Variants in CTBP1 observed in about 807,000 individuals in gnomAD.
CTBP1 encodes C-terminal binding protein 1, also known as C-terminal-binding protein 1.
Under a neutral mutation model 42.1 loss-of-function variants are expected in CTBP1, and 11 were observed. That is an observed-to-expected ratio of 0.26 (90% CI 0.16 to 0.43). CTBP1 has a LOEUF of 0.43. CTBP1 is among the 20% of genes least tolerant of loss of function. The pLI is 1.00. For synonymous variants in CTBP1, 324 were observed against 277.1 expected (o/e 1.17, Z -1.68); for missense variants, 399 against 624.3 (o/e 0.64, Z 3.85).
intron 5 of CTBP1, among the ~76,000 whole-genome samples, chr4:1,223,073 G>C: frequency 1.7e-5 from 1 of 57,486 alleles, no homozygotes; most frequent in South Asian, 1.3e-3. Flanking sequence ...GACAGCGGAG[G>C]CACCGCCCCC....
chr4:1,231,621 G>A (rs549063078), intron 3 of CTBP1, among the ~76,000 whole-genome samples: 6 of 152,334 alleles, frequency 3.9e-5, no homozygotes, highest in South Asian at 4.1e-4. Flanking sequence ...CTCAGGACTC[G>A]ACGTCGCACT....
At position 1,212,253 on chromosome 4, in the gene CTBP1, C is replaced by T. The variant is rs763759376; in HGVS notation, c.1277G>A (p.Ser426Asn). 1.1e-5 allele frequency: 14 copies of T among 1,329,696 alleles called. No individual in the cohort carries two copies. The Admixed American group carries it at 3.3e-4, about 32-fold the overall frequency. The allele number at this position is 1,329,696 out of a possible 1,614,324, so 82.4% of individuals were successfully genotyped here. ...VKPEADRDHA[S>N]DQL ...GCTCCTCCCGGGCTACAACTGGTCA[C>T]TGGCGTGGTCTCTATCCGCCTCGGG... Residue 426 changes from serine to asparagine, a missense_variant, in exon 10 of 10, where the codon AGT becomes AAT. By Grantham distance (46) the Ser-to-Asn change is conservative (BLOSUM62 1). Coordinates refer to ENST00000382952, the MANE Select transcript of CTBP1 (RefSeq NM_001012614.2).
chr4:1,226,039 G>A (rs1730306051), intron 4 of CTBP1, among the ~76,000 whole-genome samples: 1 of 152,098 alleles, frequency 6.6e-6, no homozygotes, highest in African/African-American at 2.4e-5. Flanking sequence ...CCCAGGCCCA[G>A]CCGGGCCCCG....
At chr4:1,242,248 G>A (rs1332979121) in intron 1 of CTBP1, 10 of 985,412 alleles carry the variant, frequency 1.0e-5, no homozygotes, top group Middle Eastern at 5.2e-4. Context: ...GAGTGCACAC[G>A]ATCGCCCAGC....
At chr4:1,250,234 C>T (rs1733190122), upstream of CTBP1, 1 of 198,062 alleles carries the variant, frequency 5.0e-6, no homozygotes, top group Non-Finnish European at 1.1e-5. Context: ...CCCTTCGAGG[C>T]CCGGGAAGAC....
At chr4:1,216,356 G>T in intron 5 of CTBP1, 151 bp from the exon 6 acceptor site, 2 of 750,790 alleles carry the variant, frequency 2.7e-6, no homozygotes, top group Non-Finnish European at 4.3e-6. Flanking sequence ...GCCCACGCAC[G>T]CTCCACACGA....
At chr4:1,248,612 T>TG in intron 1 of CTBP1, 1 of 914,850 alleles carries the variant, frequency 1.1e-6, no homozygotes, top group Non-Finnish European at 1.3e-6. Flanking sequence ...TCGGTGGAGC[T>TG]GGGGGTCCGG....
At chr4:1,214,198 C>T (rs557957046) in intron 7 of CTBP1, 145 bp downstream of exon 7, 22 of 1,092,580 alleles carry the variant, frequency 2.0e-5, no homozygotes, top group South Asian at 1.2e-4. Context: ...CACCCCGCAG[C>T]GGGCGGCAAA....
chr4:1,228,225 ATGT>A lies in CTBP1; in HGVS notation c.278_280del (p.Asn93del). ...TAAATCCCCGGCCGACTTGATGTCG[ATGT>A]TGTCAAAACCACTGCCAATCCGGAC... is the stretch of plus-strand genomic sequence containing the variant. On this transcript the variant is annotated inframe_deletion, in exon 4 of 10. Transcript: ENST00000382952. 6.2e-7 allele frequency: 1 copy of A among 1,614,154 alleles called. No homozygotes were observed. Among genetic ancestry groups the A allele is most frequent in the Non-Finnish European group, 8.5e-7 (1 of 1,180,006 alleles).
intron 1 of CTBP1, chr4:1,242,366 A>G (rs1166291722): frequency 6.1e-6 from 6 of 985,268 alleles, no homozygotes; most frequent in Non-Finnish European, 7.2e-6. Flanking sequence ...TGACCAGGAC[A>G]GGAGCCGGCC....
chr4:1,225,437 T>A lies in CTBP1; in HGVS notation c.437A>T (p.Gln146Leu). 6.5e-7 allele frequency: 1 copy of A among 1,549,250 alleles called. No individual in the cohort carries two copies. Among genetic ancestry groups the A allele is most frequent in the Non-Finnish European group, 8.7e-7 (1 of 1,150,210 alleles). ...HQALREGTRVQSVEQIREVAS... is the reference protein window; with the variant it reads ...HQALREGTRVLSVEQIREVAS... ...CACCTCGCGGATCTGCTCGACGCTCTGGACTCGTGTGCCCTCCCGCAGCGC... is the reference window on the plus strand; with the variant it reads ...CACCTCGCGGATCTGCTCGACGCTCAGGACTCGTGTGCCCTCCCGCAGCGC... Residue 146 changes from glutamine (Q) to leucine (L), a missense_variant, in exon 5 of 10, where the codon CAG becomes CTG. Gln to Leu is a moderately radical substitution (Grantham distance 113, BLOSUM62 -2). Coordinates refer to ENST00000382952, the MANE Select transcript of CTBP1 (RefSeq NM_001012614.2).
chr4:1,240,041 C>T (rs1732001797), intron 2 of CTBP1, among the ~76,000 whole-genome samples: 1 of 152,236 alleles, frequency 6.6e-6, no homozygotes, highest in Non-Finnish European at 1.5e-5. Context: ...CATCCGCTCT[C>T]AGTATCCTTG....
chr4:1,222,112 G>A (rs1036742383), intron 5 of CTBP1, among the ~76,000 whole-genome samples: 7 of 152,322 alleles, frequency 4.6e-5, no homozygotes, highest in Middle Eastern at 3.4e-3. Context: ...CACACCCTGG[G>A]AGAGCCTGAG....
At chr4:1,240,778 C>T (rs1464934264) in intron 2 of CTBP1, among the ~76,000 whole-genome samples, 2 of 152,160 alleles carry the variant, frequency 1.3e-5, no homozygotes, top group Non-Finnish European at 2.9e-5. Context: ...TGCCAGGGTT[C>T]CCCGGACAGC....
In CTBP1 at chr4:1,248,873, CGCCCCCGCCCGCGGCCGGAAACGCGCG is replaced by C; in HGVS notation, c.-189+16_-189+42del. On this transcript the variant is annotated intron_variant, in intron 1 of 9. Transcript: ENST00000382952. ...CGCCCGCGCGGCACCCGCCCCGCCC[CGCCCCCGCCCGCGGCCGGAAACGCGCG>C]CGCGCGCGGCCTTACCAAGCGGCAG... 1 of 949,430 alleles carries C rather than the reference CGCCCCCGCCCGCGGCCGGAAACGCGCG, an allele frequency of 1.1e-6. No homozygotes were observed. The highest frequency in any genetic ancestry group is 1.8e-5 in the African/African-American group (1 of 55,366). 58.8% of individuals were successfully genotyped at this position (949,430 alleles called of 1,614,324 possible). A position where few individuals can be genotyped will look rare whatever the true frequency, so the allele number is the denominator to read the frequency against.
intron 1 of CTBP1, chr4:1,242,474 G>A: frequency 1.0e-6 from 1 of 985,098 alleles, no homozygotes; most frequent in Non-Finnish European, 1.2e-6. Flanking sequence ...GTAGTGTGCT[G>A]TGAGGCCGCC....
intron 1 of CTBP1, chr4:1,244,027 T>C: frequency 1.0e-6 from 1 of 985,402 alleles, no homozygotes; most frequent in Non-Finnish European, 1.2e-6. Flanking sequence ...CAAAAACTGA[T>C]TTTAAAGTAA....
Position 1,235,426 on chromosome 4 carries a change from C to T in CTBP1, c.162+2757G>A, listed in dbSNP as rs1290870818. 1 of 152,246 alleles carries T rather than the reference C, an allele frequency of 6.6e-6. No individual in the cohort carries two copies. 9.4% of individuals were successfully genotyped at this position (152,246 alleles called of 1,614,324 possible). A position where few individuals can be genotyped will look rare whatever the true frequency, so the allele number is the denominator to read the frequency against. On this transcript the variant is annotated intron_variant, in intron 3 of 9. Coordinates refer to ENST00000382952, the MANE Select transcript of CTBP1 (RefSeq NM_001012614.2). This position sits in a 1 kb window ranked among gnomAD's most constrained non-coding sequence, Gnocchi z 4.2. ...GTTTTGCTGTCATCATCACTTCCAA[C>T]CCCTTCCCTCTCCTGTTCTGAAGTT... is the stretch of plus-strand genomic sequence containing the variant.
Position 1,213,606 on chromosome 4 carries a change from C to T in CTBP1, c.861-1G>A. On this transcript the variant is annotated splice_acceptor_variant, in intron 7 of 9. Coordinates refer to ENST00000382952, the MANE Select transcript of CTBP1 (RefSeq NM_001012614.2). LOFTEE classifies it high-confidence loss of function. ...ATCCTTCAGAGGGCCCTGGCTAAAGCTGGGAACAGCACAGGCATGGTCAGT... is the reference window on the plus strand; with the variant it reads ...ATCCTTCAGAGGGCCCTGGCTAAAGTTGGGAACAGCACAGGCATGGTCAGT... The T allele has an allele frequency of 6.2e-7, 1 of 1,612,726 alleles. No individual in the cohort carries two copies. The highest frequency in any genetic ancestry group is 8.5e-7 in the Non-Finnish European group (1 of 1,179,826).
Sources: allele counts gnomAD v4.1 joint callset (sites outside exome capture counted in the v4.1 genomes callset), GRCh38; gene constraint gnomAD v4.1.1; non-coding constraint Gnocchi (gnomAD v3.1); transcripts MANE v1.5; gene names NCBI Gene and HGNC (gene_info 2026-07-23, HGNC 2026-07-21).